MPPED2: variants seen among roughly 807,000 people sequenced by gnomAD.
MPPED2 encodes metallophosphoesterase domain containing 2.
Under a neutral mutation model 33.0 loss-of-function variants are expected in MPPED2, and 5 were observed. The ratio of observed to expected loss-of-function variants is 0.15; its 90% CI spans 0.08 to 0.32. The LOEUF (loss-of-function observed/expected upper bound fraction) is 0.32, where lower values mean the gene tolerates loss of function less well. Ranked by LOEUF, MPPED2 falls within the 10% of genes least tolerant of loss-of-function variation. The pLI is 1.00. For missense variants in MPPED2, 275 were observed against 372.1 expected, an observed-to-expected ratio of 0.74 and a Z score of 2.15; for synonymous variants, 136 against 141.9, an observed-to-expected ratio of 0.96 and a Z score of 0.29.
intron 2 of MPPED2, among the ~76,000 whole-genome samples, chr11:30,547,378 A>G (rs748488520): frequency 2.0e-5 from 3 of 152,226 alleles, no homozygotes; most frequent in Admixed American, 6.5e-5. Flanking sequence ...CACGCCTAAT[A>G]TTTAGCAGTA....
intron 4 of MPPED2, among the ~76,000 whole-genome samples, chr11:30,449,224 A>C (rs79688768): frequency 0.015 from 2,313 of 152,308 alleles, 62 homozygotes; most frequent in African/African-American, 0.053. Flanking sequence ...ATAGCTAAAA[A>C]TTACATTAAT....
chr11:30,458,330 G>A (rs1419971216), intron 4 of MPPED2, among the ~76,000 whole-genome samples: 1 of 152,154 alleles, frequency 6.6e-6, no homozygotes, highest in South Asian at 2.1e-4. Flanking sequence ...TGGGAAAAGA[G>A]GACACCCTAA....
chr11:30,498,199 C>G (rs566225391), intron 3 of MPPED2, among the ~76,000 whole-genome samples: 8 of 151,834 alleles, frequency 5.3e-5, no homozygotes. Flanking sequence ...TTATTCAGAT[C>G]ATGCCAGCTA....
intron 2 of MPPED2, among the ~76,000 whole-genome samples, chr11:30,540,156 C>T (rs1955020088): frequency 6.6e-6 from 1 of 152,228 alleles, no homozygotes; most frequent in Admixed American, 6.5e-5. Context: ...TTAAGCTTCA[C>T]TTTTTCTCAT....
At chr11:30,447,073 C>T (rs1182583276) in intron 4 of MPPED2, among the ~76,000 whole-genome samples, 2 of 152,196 alleles carry the variant, frequency 1.3e-5, no homozygotes, top group African/African-American at 4.8e-5. Context: ...TAGATTTGCA[C>T]TCTATGAACT....
chr11:30,433,585 T>C (rs1949180744), intron 4 of MPPED2, among the ~76,000 whole-genome samples: 1 of 152,196 alleles, frequency 6.6e-6, no homozygotes, highest in Admixed American at 6.5e-5. Flanking sequence ...TCCTTGAATG[T>C]CACTTTAGGA....
chr11:30,429,860 T>C (rs2133838089), intron 4 of MPPED2, among the ~76,000 whole-genome samples: 1 of 152,328 alleles, frequency 6.6e-6, no homozygotes, highest in Admixed American at 6.5e-5. Context: ...ATTTCTGGAA[T>C]TTGTCATGCT....
intron 2 of MPPED2, among the ~76,000 whole-genome samples, chr11:30,564,264 C>T (rs985063903): frequency 1.3e-5 from 2 of 152,116 alleles, no homozygotes; most frequent in African/African-American, 4.8e-5. Context: ...TTCAAGCAAA[C>T]ATAGGCTTAT....
chr11:30,576,249 G>A (rs190998834), intron 2 of MPPED2, among the ~76,000 whole-genome samples: 169 of 152,308 alleles, frequency 1.1e-3, no homozygotes, highest in African/African-American at 4.0e-3. Flanking sequence ...AGTCAGTGGT[G>A]CAAGCAAATG....
intron 6 of MPPED2, among the ~76,000 whole-genome samples, chr11:30,395,787 TG>T (rs551486794): frequency 8.5e-5 from 13 of 152,322 alleles, no homozygotes; most frequent in Non-Finnish European, 1.5e-4. Context: ...GCCAATTACC[TG>T]CTTGTCTTTC....
chr11:30,557,661 T>G (rs764331297), intron 2 of MPPED2, among the ~76,000 whole-genome samples: 1 of 152,230 alleles, frequency 6.6e-6, no homozygotes, highest in African/African-American at 2.4e-5. Context: ...CTGTTAACAA[T>G]GGAATGTGCA....
intron 3 of MPPED2, among the ~76,000 whole-genome samples, chr11:30,528,610 C>T (rs996737153): frequency 4.6e-5 from 7 of 152,048 alleles, no homozygotes; most frequent in Non-Finnish European, 1.0e-4. Flanking sequence ...ATTAGAAAAT[C>T]GTTTACAGGT....
intron 3 of MPPED2, among the ~76,000 whole-genome samples, chr11:30,528,433 T>C (rs779171728): frequency 1.3e-5 from 2 of 152,084 alleles, no homozygotes; most frequent in Non-Finnish European, 2.9e-5. Context: ...TTTTTGTATT[T>C]TTTTAGTAGA....
chr11:30,513,437 G>A (rs777431589), intron 3 of MPPED2, among the ~76,000 whole-genome samples: 2 of 152,122 alleles, frequency 1.3e-5, no homozygotes, highest in Non-Finnish European at 2.9e-5. Flanking sequence ...CCATCTCTTC[G>A]TGGCCAATTG....
At chr11:30,450,829 G>C (rs1454883880) in intron 4 of MPPED2, among the ~76,000 whole-genome samples, 1 of 152,164 alleles carries the variant, frequency 6.6e-6, no homozygotes, top group African/African-American at 2.4e-5. Flanking sequence ...TAGATTATTA[G>C]CCCCCTTTTT....
chr11:30,582,458 T>A (rs1438000005), intron 1 of MPPED2, among the ~76,000 whole-genome samples: 1 of 152,200 alleles, frequency 6.6e-6, no homozygotes, highest in East Asian at 1.9e-4. Context: ...ATACTGAACA[T>A]TAAGAAGCAA....
chr11:30,503,674 C>T (rs1952673848), intron 3 of MPPED2, among the ~76,000 whole-genome samples: 2 of 152,148 alleles, frequency 1.3e-5, no homozygotes, highest in South Asian at 4.1e-4. Flanking sequence ...AAAAGAAAAC[C>T]TAGTTCCATA....
intron 4 of MPPED2, among the ~76,000 whole-genome samples, chr11:30,437,088 T>C (rs1949359398): frequency 6.6e-6 from 1 of 152,128 alleles, no homozygotes; most frequent in Non-Finnish European, 1.5e-5. Context: ...CAATCAGATT[T>C]AAGTGGCCTC....
exon 7 of MPPED2, chr11:30,385,973 C>A (rs928760944): frequency 3.9e-5 from 6 of 152,140 alleles, no homozygotes; most frequent in African/African-American, 2.4e-5. Flanking sequence ...TTCATTTTTT[C>A]TTCTTTCTTT....
Sources: allele counts gnomAD v4.1 joint callset (sites outside exome capture counted in the v4.1 genomes callset), GRCh38; gene constraint gnomAD v4.1.1; transcripts MANE v1.5; gene names NCBI Gene and HGNC (gene_info 2026-07-23, HGNC 2026-07-21).